Variants in ATP8B1 observed in about 807,000 individuals in gnomAD.
ATP8B1 encodes the protein ATPase phospholipid transporting 8B1, also known as phospholipid-transporting ATPase IC.
In ATP8B1, 80 loss-of-function variants were observed where a neutral mutation model predicts 149.9. That is an observed-to-expected ratio of 0.53 (90% confidence interval 0.45 to 0.64). ATP8B1 has a LOEUF of 0.64. ATP8B1 is among the 30% of genes least tolerant of loss of function. The probability of loss-of-function intolerance (pLI) is 0.00; values close to 1 mark genes in which losing one functional copy is unlikely to be tolerated. For missense variants in ATP8B1, 1,247 were observed against 1,552.6 expected, an observed-to-expected ratio of 0.80 and a Z score of 3.31; for synonymous variants, 536 against 562.8, an observed-to-expected ratio of 0.95 and a Z score of 0.67.
At chr18:57,783,555 AC>A (rs2080377186) in intron 1 of ATP8B1, among the ~76,000 whole-genome samples, 1 of 152,032 alleles carries the variant, frequency 6.6e-6, no homozygotes, top group Non-Finnish European at 1.5e-5. Flanking sequence ...GAAATTGAAG[AC>A]CGGGCATAGT....
Position 57,648,571 on chromosome 18 carries a change from G to T in ATP8B1, c.3673C>A (p.Arg1225Ser), listed in dbSNP as rs774849132. 8 of 1,611,222 alleles carry T rather than the reference G, an allele frequency of 5.0e-6. 1 individual carries two copies. The Admixed American group carries it at 1.0e-4, about 20-fold the overall frequency. ...RGYADLISSG[R>S]SIRKKRSPLD... ...GGCGAGCGCTTCTTGCGGATGCTGC[G>T]CCCGGAGGAGATGAGGTCCGCGTAG... Residue 1225 changes from arginine to serine, a missense_variant, in exon 28 of 28, where the codon CGC becomes AGC. Physicochemically the swap from Arg to Ser is moderately radical, Grantham distance 110. Coordinates refer to ENST00000648908, the MANE Select transcript of ATP8B1 (RefSeq NM_001374385.1).
intron 13 of ATP8B1, 103 bp from the exon 14 acceptor site, chr18:57,685,218 G>A (rs1272712060): frequency 4.9e-6 from 6 of 1,213,960 alleles, no homozygotes; most frequent in South Asian, 1.2e-5. Flanking sequence ...GACCATATAC[G>A]GCCTGGACAG....
chr18:57,783,739 G>A (rs970352857), intron 1 of ATP8B1, among the ~76,000 whole-genome samples: 1 of 152,126 alleles, frequency 6.6e-6, no homozygotes, highest in Non-Finnish European at 1.5e-5. Context: ...AGGTGGCTGA[G>A]GCAGGAAAAT....
chr18:57,758,953 C>G (rs1289888989), intron 1 of ATP8B1, among the ~76,000 whole-genome samples: 6 of 151,668 alleles, frequency 4.0e-5, no homozygotes, highest in Non-Finnish European at 7.4e-5. Context: ...GTCAAGAGAT[C>G]AAGACTATCC....
chr18:57,658,627 T>TGTG (rs1910170008), intron 22 of ATP8B1, among the ~76,000 whole-genome samples: 9 of 144,988 alleles, frequency 6.2e-5, no homozygotes, highest in African/African-American at 2.1e-4. Flanking sequence ...AACAATTTCT[T>TGTG]TGTGTGTGTG....
chr18:57,659,329 T>C (rs1032945316), intron 22 of ATP8B1, among the ~76,000 whole-genome samples: 3 of 151,900 alleles, frequency 2.0e-5, no homozygotes, highest in African/African-American at 7.3e-5. Flanking sequence ...TTAAGACAAC[T>C]TAAGAAAAAC....
intron 1 of ATP8B1, among the ~76,000 whole-genome samples, chr18:57,759,155 CAAAAAA>C (rs566728161): frequency 1.5e-4 from 16 of 106,294 alleles, no homozygotes; most frequent in East Asian, 6.8e-4. Context: ...GATTCCATCT[CAAAAAA>C]AAAAAAAAAA....
chr18:57,683,911 A>G, intron 15 of ATP8B1, 125 bp downstream of exon 15: 1 of 1,240,984 alleles, frequency 8.1e-7, no homozygotes, highest in Non-Finnish European at 1.2e-6. Context: ...GCTGAGAAAT[A>G]TTCACTGCAT....
chr18:57,712,781 G>A (rs979713746), intron 2 of ATP8B1, among the ~76,000 whole-genome samples: 1 of 151,794 alleles, frequency 6.6e-6, no homozygotes, highest in Non-Finnish European at 1.5e-5. Flanking sequence ...AGAGAACTTT[G>A]TCTTGCATCT....
At chr18:57,707,024 A>AG (rs762514394) in intron 2 of ATP8B1, among the ~76,000 whole-genome samples, 3 of 152,200 alleles carry the variant, frequency 2.0e-5, no homozygotes, top group Non-Finnish European at 4.4e-5. Flanking sequence ...ATGAGGAAGC[A>AG]GGCCGGGCGC....
intron 1 of ATP8B1, among the ~76,000 whole-genome samples, chr18:57,761,947 A>T (rs1208569078): frequency 1.4e-5 from 1 of 70,964 alleles, no homozygotes; most frequent in East Asian, 3.7e-4. Flanking sequence ...AGACTGTTAA[A>T]AAAAAAAAAA....
chr18:57,651,974 C>G, intron 26 of ATP8B1, 60 bp downstream of exon 26: 1 of 1,571,196 alleles, frequency 6.4e-7, no homozygotes, highest in Non-Finnish European at 8.7e-7. Flanking sequence ...GAAGTTATGT[C>G]AAAATCTAAA....
At chr18:57,737,320 T>A (rs2123183994) in intron 1 of ATP8B1, among the ~76,000 whole-genome samples, 1 of 152,222 alleles carries the variant, frequency 6.6e-6, no homozygotes, top group African/African-American at 2.4e-5. Flanking sequence ...AACTTTTTGT[T>A]TGTTGGTTGG....
At chr18:57,666,724 C>T (rs901285162) in intron 20 of ATP8B1, among the ~76,000 whole-genome samples, 93 of 152,094 alleles carry the variant, frequency 6.1e-4, no homozygotes, top group African/African-American at 2.0e-3. Flanking sequence ...TTAGTAGAGA[C>T]GGGGTTTCAC....
At chr18:57,791,346 C>CTTTTTTTTTTTTTTTTTTTTTTTTTTTT (rs1473257768) in intron 1 of ATP8B1, among the ~76,000 whole-genome samples, 1 of 124,970 alleles carries the variant, frequency 8.0e-6, no homozygotes, top group African/African-American at 3.4e-5. Context: ...TTTTTCTTTT[C>CTTTTTTTTTTTTTTTTTTTTTTTTTTTT]TTTTCTTTTT....
intron 1 of ATP8B1, among the ~76,000 whole-genome samples, chr18:57,760,943 C>T (rs940527932): frequency 2.6e-5 from 4 of 151,542 alleles, no homozygotes; most frequent in Non-Finnish European, 2.9e-5. Context: ...GAGCCGAGAT[C>T]GCACCACCGC....
chr18:57,675,612 T>A (rs939146886), intron 15 of ATP8B1, among the ~76,000 whole-genome samples: 2 of 152,218 alleles, frequency 1.3e-5, no homozygotes, highest in Non-Finnish European at 2.9e-5. Context: ...TTGTCCAGGC[T>A]GCTCTTGATC....
chr18:57,799,674 C>T (rs1338525001), intron 1 of ATP8B1, among the ~76,000 whole-genome samples: 1 of 140,878 alleles, frequency 7.1e-6, no homozygotes, highest in Non-Finnish European at 1.5e-5. Context: ...ACTTGCACTC[C>T]AGTCTGGGCG....
In ATP8B1 at chr18:57,669,342, A is replaced by G; in HGVS notation, c.2073T>C (p.Tyr691=). ...TNRDEALDKV[Y]EEIEKDLILL... The stretch of plus-strand genomic sequence containing the variant: ...CAATTAAGTCTTTTTCAATCTCCTC[A>G]TATACTTTATCCAGAGCTTCGTCCC... The change falls in exon 18 of 28, where the codon TAT becomes TAC. Residue 691 remains tyrosine, a synonymous_variant. Transcript: ENST00000648908. The G allele has an allele frequency of 6.2e-7, 1 of 1,612,508 alleles. No individual in the cohort carries two copies. Among genetic ancestry groups the G allele is most frequent in the Non-Finnish European group, 8.5e-7 (1 of 1,179,636 alleles).
Sources: gnomAD v4.1 joint callset for allele counts (sites outside exome capture counted in the v4.1 genomes callset) on GRCh38, gnomAD v4.1.1 for gene constraint, MANE v1.5 for transcripts, NCBI Gene and HGNC (gene_info 2026-07-23, HGNC 2026-07-21) for gene names.